Variants in TRIO observed in about 807,000 individuals in gnomAD.
TRIO encodes the protein trio Rho guanine nucleotide exchange factor.
TRIO carries 58 observed loss-of-function variants against 351.9 expected under a neutral mutation model. The observed-to-expected ratio is 0.16, with a 90% CI of 0.13 to 0.21. TRIO has a LOEUF of 0.21. Ranked by LOEUF, TRIO falls within the 10% of genes least tolerant of loss-of-function variation. TRIO has a pLI of 1.00. For missense variants in TRIO, 3,201 were observed against 4,027.8 expected, an observed-to-expected ratio of 0.79 and a Z score of 5.56; for synonymous variants, 1,758 against 1,595.7, an observed-to-expected ratio of 1.10 and a Z score of -2.42.
intron 11 of TRIO, among the ~76,000 whole-genome samples, chr5:14,350,623 A>G (rs564950867): frequency 1.3e-5 from 2 of 152,196 alleles, no homozygotes; most frequent in African/African-American, 4.8e-5. Flanking sequence ...GTGTCCACGC[A>G]CTGTCCCATC....
intron 2 of TRIO, among the ~76,000 whole-genome samples, chr5:14,278,527 T>G (rs1233967742): frequency 6.6e-6 from 1 of 152,226 alleles, no homozygotes; most frequent in Non-Finnish European, 1.5e-5. Flanking sequence ...GGGGAATGTT[T>G]TAATTTAAAT....
At chr5:14,222,392 G>A (rs1400467887) in intron 1 of TRIO, among the ~76,000 whole-genome samples, 1 of 152,144 alleles carries the variant, frequency 6.6e-6, no homozygotes, top group African/African-American at 2.4e-5. Flanking sequence ...TGTGGGTTAA[G>A]GTCACAAAAG....
intron 1 of TRIO, among the ~76,000 whole-genome samples, chr5:14,226,925 G>C (rs1195009243): frequency 5.1e-5 from 1 of 19,420 alleles, no homozygotes. Context: ...CCTGGCTTTT[G>C]CATTGCCCTG....
At chr5:14,267,490 T>TGAATGAA (rs1795752208) in intron 1 of TRIO, among the ~76,000 whole-genome samples, 1 of 152,164 alleles carries the variant, frequency 6.6e-6, no homozygotes, top group Non-Finnish European at 1.5e-5. Context: ...CTTTAATGCA[T>TGAATGAA]GAATGAAGAA....
At chr5:14,292,235 T>C (rs1736978056) in intron 5 of TRIO, among the ~76,000 whole-genome samples, 1 of 152,258 alleles carries the variant, frequency 6.6e-6, no homozygotes, top group South Asian at 2.1e-4. Context: ...TACTAAAGCT[T>C]TTAATGTATC....
intron 25 of TRIO, among the ~76,000 whole-genome samples, chr5:14,389,873 G>T (rs148049588): frequency 1.3e-5 from 2 of 152,290 alleles, no homozygotes; most frequent in Non-Finnish European, 2.9e-5. Context: ...TAAAGCAGCG[G>T]CAGCAGAAGC....
rs899990304 is a variant in TRIO at position 14,509,358 on chromosome 5, G to A, written c.*936G>A. Reference sequence around the variant, plus strand: ...AATATATAGAAAAAGCACATACTTCGTATGGTGAGCTTTATGGTTTTGTGT... The same window carrying A: ...AATATATAGAAAAAGCACATACTTCATATGGTGAGCTTTATGGTTTTGTGT... On this transcript the variant is annotated 3_prime_UTR_variant, in exon 57 of 57. Transcript: ENST00000344204. 6 of 425,650 alleles carry A rather than the reference G, an allele frequency of 1.4e-5. No individual in the cohort carries two copies. The highest frequency in any genetic ancestry group is 4.5e-5 in the African/African-American group (2 of 44,834). 26.4% of individuals were successfully genotyped at this position (425,650 alleles called of 1,614,324 possible).
intron 1 of TRIO, among the ~76,000 whole-genome samples, chr5:14,163,268 G>T (rs40293): frequency 0.31 from 46,875 of 152,088 alleles, 7,709 homozygotes; most frequent in East Asian, 0.47. Flanking sequence ...AGAACATGTG[G>T]TGTTTGGTTT....
chr5:14,346,159 G>T (rs142316998), intron 11 of TRIO, among the ~76,000 whole-genome samples: 3,070 of 152,316 alleles, frequency 0.02, 36 homozygotes, highest in Non-Finnish European at 0.03. Flanking sequence ...TCATTTGTTT[G>T]TTTTCCCTTC....
At chr5:14,212,492 C>T (rs1033463954) in intron 1 of TRIO, among the ~76,000 whole-genome samples, 1 of 152,202 alleles carries the variant, frequency 6.6e-6, no homozygotes, top group Admixed American at 6.5e-5. Context: ...TTCATTGAAC[C>T]TCAGATGTCT....
At chr5:14,153,603 C>T (rs1161972599) in intron 1 of TRIO, among the ~76,000 whole-genome samples, 1 of 152,170 alleles carries the variant, frequency 6.6e-6, no homozygotes, top group Admixed American at 6.5e-5. Context: ...GCAGCTCCCC[C>T]TCCTTCAGCA....
chr5:14,449,310 G>C (rs901669950), intron 34 of TRIO, among the ~76,000 whole-genome samples: 18 of 152,226 alleles, frequency 1.2e-4, no homozygotes, highest in African/African-American at 4.3e-4. Flanking sequence ...TCTGCTGGGA[G>C]GCAGTGTAGT....
chr5:14,252,623 C>A (rs879516071), intron 1 of TRIO, among the ~76,000 whole-genome samples: 19 of 152,252 alleles, frequency 1.2e-4, no homozygotes, highest in Non-Finnish European at 2.8e-4. Flanking sequence ...AAAACCATCC[C>A]TGAGACATCT....
intron 21 of TRIO, among the ~76,000 whole-genome samples, chr5:14,382,633 A>G (rs982447790): frequency 1.3e-5 from 2 of 152,198 alleles, no homozygotes; most frequent in African/African-American, 4.8e-5. Flanking sequence ...GCAGGGAGGG[A>G]TCATGGCTTT....
chr5:14,434,485 T>G (rs972451645), intron 34 of TRIO, among the ~76,000 whole-genome samples: 14 of 149,412 alleles, frequency 9.4e-5, no homozygotes, highest in Admixed American at 6.0e-4. Context: ...CAACACTCAG[T>G]TTTTTTTTTA....
intron 8 of TRIO, 142 bp downstream of exon 8, chr5:14,304,734 T>C (rs1738210626): frequency 2.0e-6 from 2 of 987,586 alleles, no homozygotes; most frequent in Non-Finnish European, 2.9e-6. Context: ...TTGTTTAGCA[T>C]TTGAACCCCT....
chr5:14,253,677 CTA>C (rs1794871007), intron 1 of TRIO, among the ~76,000 whole-genome samples: 1 of 152,242 alleles, frequency 6.6e-6, no homozygotes, highest in Non-Finnish European at 1.5e-5. Context: ...TGTTTGAAGA[CTA>C]TGCCCTTAAA....
At position 14,508,025 on chromosome 5, in the gene TRIO, G is replaced by A. The variant is rs903212005; in HGVS notation, c.8897G>A (p.Gly2966Glu). The change falls in exon 57 of 57, where the codon GGG becomes GAG. Residue 2966 changes from glycine (G) to glutamate (E), a missense_variant. Transcript: ENST00000344204. ...TTCGCAGCCCCTGAAATCATCCTCG[G>A]GAACCCTGTCTCCCTGACCTCGGAT... ...PEFAAPEIIL[G>E]NPVSLTSDTW... 6.2e-7 allele frequency: 1 copy of A among 1,614,062 alleles called. No homozygotes were observed. Among genetic ancestry groups the A allele is most frequent in the African/African-American group, 1.3e-5 (1 of 74,908 alleles).
chr5:14,294,500 C>T (rs905194858), intron 6 of TRIO, among the ~76,000 whole-genome samples: 2 of 152,072 alleles, frequency 1.3e-5, no homozygotes, highest in African/African-American at 2.4e-5. Flanking sequence ...TCTGCTATGC[C>T]ACATACTTTA....
Sources: gnomAD v4.1 joint callset for allele counts (sites outside exome capture counted in the v4.1 genomes callset) on GRCh38, gnomAD v4.1.1 for gene constraint, MANE v1.5 for transcripts, NCBI Gene and HGNC (gene_info 2026-07-23, HGNC 2026-07-21) for gene names.